Variants in ZFP90 observed in about 807,000 individuals in gnomAD.
ZFP90 encodes ZFP90 zinc finger protein, also known as zinc finger protein 90 homolog.
ZFP90 carries 38 observed loss-of-function variants against 60.8 expected under a neutral mutation model. The observed-to-expected ratio is 0.62, with a 90% CI of 0.48 to 0.82. The LOEUF is 0.82. Among genes scored for constraint, ZFP90 ranks in the 40% least tolerant of loss-of-function variants. The pLI is 0.00. For missense variants in ZFP90, 711 were observed against 759.1 expected (o/e 0.94, Z 0.74); for synonymous variants, 287 against 264.8 (o/e 1.08, Z -0.82).
At position 68,563,618 on chromosome 16, in the gene ZFP90, T is replaced by C. The variant is rs772986684; in HGVS notation, c.831T>C (p.Thr277=). 1.2e-6 allele frequency: 2 copies of C among 1,614,162 alleles called. No homozygotes were observed. Among genetic ancestry groups the C allele is most frequent in the African/African-American group, 2.7e-5 (2 of 75,036 alleles). The change falls in exon 5 of 5, where the codon ACT becomes ACC. Residue 277 remains threonine, a synonymous_variant. Coordinates refer to ENST00000563169, the MANE Select transcript of ZFP90 (RefSeq NM_001305203.2). ...TQLTEHQRIH[T]GEKPFECNVC... is the part of the protein sequence containing the mutation. Reference sequence around the variant, plus strand: ...TTACTGAGCATCAGAGAATTCACACTGGGGAGAAACCCTTTGAATGCAATG... The same window carrying C: ...TTACTGAGCATCAGAGAATTCACACCGGGGAGAAACCCTTTGAATGCAATG...
Position 68,563,867 on chromosome 16 carries a change from C to CA in ZFP90, c.1081dup (p.Ser361LysfsTer9). The CA allele has an allele frequency of 6.2e-7, 1 of 1,613,982 alleles. No individual in the cohort carries two copies. Among genetic ancestry groups the CA allele is most frequent in the Non-Finnish European group, 8.5e-7 (1 of 1,179,974 alleles). On this transcript the variant is annotated frameshift_variant, in exon 5 of 5. Coordinates refer to ENST00000563169, the MANE Select transcript of ZFP90 (RefSeq NM_001305203.2). LOFTEE classifies it high-confidence loss of function. ...CCCTCACTCAACACGAGGTCACACA[C>CA]AGTGGAGAGAAGCCCTTCCAGTGTA... is the stretch of plus-strand genomic sequence containing the variant.
At chr16:68,539,721 T>G in intron 1 of ZFP90, 37 bp from the exon 2 acceptor site, 2 of 1,478,900 alleles carry the variant, frequency 1.4e-6, no homozygotes, top group East Asian at 5.1e-5. Context: ...GGGTCGGTGT[T>G]GCAGCGGGGT....
Position 68,564,766 on chromosome 16 carries a change from C to A in ZFP90, c.*68C>A. The A allele has an allele frequency of 6.6e-7, 1 of 1,511,202 alleles. No homozygotes were observed. The highest frequency in any genetic ancestry group is 8.8e-7 in the Non-Finnish European group (1 of 1,136,012). 93.6% of individuals were successfully genotyped at this position (1,511,202 alleles called of 1,614,324 possible). A position where few individuals can be genotyped will look rare whatever the true frequency, so the allele number is the denominator to read the frequency against. On this transcript the variant is annotated 3_prime_UTR_variant, in exon 5 of 5. Coordinates refer to ENST00000563169, the MANE Select transcript of ZFP90 (RefSeq NM_001305203.2). ...TGTTCTGATTCAGGATCAGAGGATT[C>A]TTAGAGAGCTTGGGAATGTAATGAA...
chr16:68,555,311 T>C (rs536743304), intron 2 of ZFP90: 2 of 152,322 alleles, frequency 1.3e-5, no homozygotes, highest in East Asian at 3.9e-4. Context: ...CTTGTAAATA[T>C]CTAGTCTGTC....
chr16:68,553,612 T>TTTTTG (rs546158230), intron 2 of ZFP90, among the ~76,000 whole-genome samples: 1 of 151,944 alleles, frequency 6.6e-6, no homozygotes, highest in Admixed American at 6.6e-5. Flanking sequence ...ATCTGGCAGA[T>TTTTTG]TTTTGTTTTG....
chr16:68,563,681 T>G lies in ZFP90; in HGVS notation c.894T>G (p.Gly298=). The change falls in exon 5 of 5, where the codon GGT becomes GGG. Residue 298 remains glycine (G), a synonymous_variant. Transcript: ENST00000563169. ...GKAFRHSSSL[G]QHENAHTGEK... is the part of the protein sequence containing the mutation. ...CCTTCAGGCATAGCTCATCTCTTGG[T>G]CAGCATGAGAATGCTCATACCGGAG... is the stretch of plus-strand genomic sequence containing the variant. The G allele has an allele frequency of 6.2e-7, 1 of 1,614,198 alleles. No homozygotes were observed.
chr16:68,566,193 G>T lies in ZFP90; in HGVS notation c.*1495G>T, dbSNP rs975226570. The T allele has an allele frequency of 4.8e-5, 47 of 985,510 alleles. No individual in the cohort carries two copies. In the Middle Eastern group the frequency reaches 2.6e-3, roughly 55 times the overall value. 61.0% of individuals were successfully genotyped at this position (985,510 alleles called of 1,614,324 possible). A position where few individuals can be genotyped will look rare whatever the true frequency, so the allele number is the denominator to read the frequency against. On this transcript the variant is annotated 3_prime_UTR_variant, in exon 5 of 5. Coordinates refer to ENST00000563169, the MANE Select transcript of ZFP90 (RefSeq NM_001305203.2). ...AGTAAAGCATCAGCTAAGCTTCAGT[G>T]GCCTGCTCCATCCCCTAATGACTCC...
At chr16:68,569,047 A>G (rs997389393), downstream of ZFP90, among the ~76,000 whole-genome samples, 4 of 152,014 alleles carry the variant, frequency 2.6e-5, no homozygotes, top group Non-Finnish European at 5.9e-5. Context: ...TGGCGAAACA[A>G]TAAAGAAGAG....
At position 68,564,060 on chromosome 16, in the gene ZFP90, A is replaced by G. The variant is rs368393946; in HGVS notation, c.1273A>G (p.Ser425Gly). The change falls in exon 5 of 5, where the codon AGT becomes GGT. Residue 425 changes from serine (S) to glycine (G), a missense_variant. By Grantham distance (56) the Ser-to-Gly change is moderately conservative. Around this residue, in one of 5 missense-constraint regions of ZFP90, gnomAD observed 295 missense variants for 274.0 expected, o/e 1.08. Transcript: ENST00000563169. ...IHKRGKPYQS[S>G]NYSIDFKHST... Reference sequence around the variant, plus strand: ...TAAGAGAGGCAAACCTTACCAAAGCAGTAACTACAGCATAGATTTCAAGCA... The same window carrying G: ...TAAGAGAGGCAAACCTTACCAAAGCGGTAACTACAGCATAGATTTCAAGCA... 3.8e-5 allele frequency: 61 copies of G among 1,614,166 alleles called. No individual in the cohort carries two copies. The African/African-American group carries it at 7.6e-4, about 20-fold the overall frequency.
intron 2 of ZFP90, among the ~76,000 whole-genome samples, chr16:68,540,808 C>CAAAAAAAAAAAAAAAAAA (rs35122186): frequency 9.7e-5 from 9 of 92,656 alleles, no homozygotes; most frequent in South Asian, 3.6e-4. Context: ...TCCGTCTCTG[C>CAAAAAAAAAAAAAAAAAA]AAAAAAAAAA....
rs780907491 is a variant in ZFP90 at position 68,564,026 on chromosome 16, G to A, written c.1239G>A (p.Met413Ile). 6.2e-7 allele frequency: 1 copy of A among 1,614,096 alleles called. No homozygotes were observed. Among genetic ancestry groups the A allele is most frequent in the South Asian group, 1.1e-5 (1 of 91,082 alleles). ...AGAGCCCATCCCTTTATAAACATAT[G>A]AGGATTCATAAGAGAGGCAAACCTT... ...FGQSPSLYKH[M>I]RIHKRGKPYQ... The change falls in exon 5 of 5, where the codon ATG (methionine) becomes ATA (isoleucine). Residue 413 changes from methionine (M) to isoleucine (I), a missense_variant. Around this residue, in one of 5 missense-constraint regions of ZFP90, gnomAD observed 295 missense variants for 274.0 expected, o/e 1.08. Coordinates refer to ENST00000563169, the MANE Select transcript of ZFP90 (RefSeq NM_001305203.2).
At chr16:68,555,421 G>A (rs2091327374) in intron 2 of ZFP90, among the ~76,000 whole-genome samples, 1 of 152,142 alleles carries the variant, frequency 6.6e-6, no homozygotes, top group Non-Finnish European at 1.5e-5. Context: ...GGGCAGAGGA[G>A]CCAGTATGGT....
At position 68,553,612 on chromosome 16, in the gene ZFP90, TTTTTG is replaced by T. The variant is rs546158230; in HGVS notation, c.34-4371_34-4367del. Reference sequence around the variant, plus strand: ...AACAGAGGTGACTTGATCTGGCAGATTTTTGTTTTGTTTTGTTTTTCTTTGAGACA... The same window carrying T: ...AACAGAGGTGACTTGATCTGGCAGATTTTTGTTTTGTTTTTCTTTGAGACA... On this transcript the variant is annotated intron_variant, in intron 2 of 4. Coordinates refer to ENST00000563169, the MANE Select transcript of ZFP90 (RefSeq NM_001305203.2). Among the ~76,000 whole-genome samples the T allele has an allele frequency of 2.9e-3, 438 of 152,060 alleles. 1 individual carries two copies. The highest frequency in any genetic ancestry group is 4.8e-3 in the Non-Finnish European group (325 of 67,982).
At chr16:68,538,614 G>A (rs1387161991), upstream of ZFP90, among the ~76,000 whole-genome samples, 1 of 151,986 alleles carries the variant, frequency 6.6e-6, no homozygotes, top group Admixed American at 6.6e-5. Context: ...GCTGAGGCGG[G>A]AGAATCGCTT....
At chr16:68,576,040 T>TA (rs34731750) in exon 3 of ZFP90, 10,827 of 276,384 alleles carry the variant, frequency 0.039, 365 homozygotes, top group African/African-American at 0.11. Context: ...AACATTTATT[T>TA]AAAAAAAAAA....
At chr16:68,558,359 C>G in intron 3 of ZFP90, 114 bp from the exon 4 acceptor site, 1 of 1,180,880 alleles carries the variant, frequency 8.5e-7, no homozygotes, top group Non-Finnish European at 1.2e-6. Context: ...TAAGTTGCAC[C>G]TTTTTTTTCC....
chr16:68,542,999 AAAG>A lies in ZFP90; in HGVS notation c.33+3175_33+3177del, dbSNP rs1342790098. Among the ~76,000 whole-genome samples, 6 of 152,158 alleles carry A rather than the reference AAAG, an allele frequency of 3.9e-5. No homozygotes were observed. The East Asian group carries it at 7.7e-4, about 20-fold the overall frequency. On this transcript the variant is annotated intron_variant, in intron 2 of 4. Transcript: ENST00000563169. The stretch of plus-strand genomic sequence containing the variant: ...AGGCAGTAGTATCTCAAGAGGGAAA[AAAG>A]GTAGAGAAAGGTAAGGGGGTCTGAG...
intron 2 of ZFP90, among the ~76,000 whole-genome samples, chr16:68,543,863 C>CTT (rs34492203): frequency 2.4e-5 from 3 of 127,336 alleles, no homozygotes; most frequent in East Asian, 2.3e-4. Context: ...CTGGCCTGCC[C>CTT]TTTTTTTTTT....
intron 2 of ZFP90, among the ~76,000 whole-genome samples, chr16:68,554,645 G>A (rs2091315503): frequency 6.6e-6 from 1 of 152,136 alleles, no homozygotes; most frequent in African/African-American, 2.4e-5. Flanking sequence ...GACTCTTTGG[G>A]AAAGCAGAAT....
Sources: gnomAD v4.1 joint callset for allele counts (sites outside exome capture counted in the v4.1 genomes callset) on GRCh38, gnomAD v4.1.1 for gene constraint, gnomAD v4.1.1 regional missense constraint, MANE v1.5 for transcripts, NCBI Gene and HGNC (gene_info 2026-07-23, HGNC 2026-07-21) for gene names.